Variants in ZBTB7C observed in about 807,000 individuals in gnomAD.
ZBTB7C encodes zinc finger and BTB domain containing 7C.
A neutral mutation model predicts 25.7 loss-of-function variants in ZBTB7C; 8 were observed. That is an observed-to-expected ratio of 0.31 (90% CI 0.18 to 0.56). The LOEUF (loss-of-function observed/expected upper bound fraction) is 0.56, where lower values mean the gene tolerates loss of function less well. Among genes scored for constraint, ZBTB7C ranks in the 20% least tolerant of loss-of-function variants. The pLI is 0.91. For synonymous variants in ZBTB7C, 394 were observed against 369.0 expected, an observed-to-expected ratio of 1.07 and a Z score of -0.78; for missense variants, 824 against 855.2, an observed-to-expected ratio of 0.96 and a Z score of 0.46.
chr18:48,029,516 A>T lies in ZBTB7C; in HGVS notation c.1604T>A (p.Leu535Gln), dbSNP rs1449300448. ...LPGPSPAKHFLAAPKGALSLQ... is the reference protein window; with the variant it reads ...LPGPSPAKHFQAAPKGALSLQ... ...GCTCAGGGCGCCCTTGGGCGCTGCC[A>T]GGAAGTGCTTGGCGGGGCTGGGGCC... The change falls in exon 5 of 5, where the codon CTG (leucine) becomes CAG (glutamine). Residue 535 changes from leucine to glutamine, a missense_variant. By Grantham distance (113) the Leu-to-Gln change is moderately radical. Around this residue, in one of 4 missense-constraint regions of ZBTB7C, gnomAD observed 342 missense variants for 307.0 expected, o/e 1.11. Coordinates refer to ENST00000590800, the MANE Select transcript of ZBTB7C (RefSeq NM_001318841.2). The T allele has an allele frequency of 2.5e-6, 4 of 1,584,122 alleles. No individual in the cohort carries two copies. Among genetic ancestry groups the T allele is most frequent in the Non-Finnish European group, 3.4e-6 (4 of 1,172,498 alleles).
intron 2 of ZBTB7C, among the ~76,000 whole-genome samples, chr18:48,200,193 G>A (rs8087724): frequency 0.69 from 104,505 of 151,936 alleles, 36,216 homozygotes; most frequent in African/African-American, 0.78. Context: ...TGAATTAACC[G>A]TGAAGAGTCA....
At chr18:48,039,778 G>A (rs755985290) in intron 4 of ZBTB7C, 122 bp downstream of exon 4, 16 of 1,029,590 alleles carry the variant, frequency 1.6e-5, no homozygotes, top group South Asian at 2.9e-5. Context: ...TGCTAGCCAC[G>A]AGCCTGCATG....
chr18:48,247,855 C>T (rs2043739680), intron 2 of ZBTB7C, among the ~76,000 whole-genome samples: 1 of 152,192 alleles, frequency 6.6e-6, no homozygotes, highest in African/African-American at 2.4e-5. Flanking sequence ...CCTGCCACCC[C>T]CCTGCGAAGA....
At chr18:48,335,042 C>T (rs2046429895) in intron 2 of ZBTB7C, among the ~76,000 whole-genome samples, 1 of 152,206 alleles carries the variant, frequency 6.6e-6, no homozygotes, top group Admixed American at 6.5e-5. Flanking sequence ...CTGCAGGGGG[C>T]TGCCTCCTCC....
intron 3 of ZBTB7C, among the ~76,000 whole-genome samples, chr18:48,066,998 A>G (rs2037354693): frequency 6.6e-6 from 1 of 152,212 alleles, no homozygotes; most frequent in African/African-American, 2.4e-5. Flanking sequence ...GCTATTCAGG[A>G]GACTGAGGCA....
In ZBTB7C at chr18:48,040,338, G is replaced by A; in HGVS notation, c.770C>T (p.Pro257Leu). The A allele has an allele frequency of 6.2e-7, 1 of 1,603,816 alleles. No homozygotes were observed. Among genetic ancestry groups the A allele is most frequent in the Non-Finnish European group, 8.5e-7 (1 of 1,175,072 alleles). The part of the protein sequence containing the change: ...SLSPFAPDFF[P>L]HLWPGDFGAF... ...ACCGAAGTCCCCTGGCCAGAGGTGT[G>A]GAAAGAAGTCCGGGGCGAATGGAGA... The change falls in exon 4 of 5, where the codon CCA becomes CTA. Residue 257 changes from proline (P) to leucine (L), a missense_variant. Around this residue, in one of 4 missense-constraint regions of ZBTB7C, gnomAD observed 316 missense variants for 299.2 expected, o/e 1.06. Coordinates refer to ENST00000590800, the MANE Select transcript of ZBTB7C (RefSeq NM_001318841.2).
In ZBTB7C at chr18:48,029,617, G is replaced by C; in HGVS notation, c.1503C>G (p.Asp501Glu). ...CAGGGGGCATCACGAAGGCCGCCTT[G>C]TCGGGGGCCGGGCCGCCGGGCCCGA... ...LLFGPGGPAP[D>E]KAAFVMPPAL... is the part of the protein sequence containing the mutation. The change falls in exon 5 of 5, where the codon GAC (aspartate) becomes GAG (glutamate). Residue 501 changes from aspartate to glutamate, a missense_variant. Around this residue, in one of 4 missense-constraint regions of ZBTB7C, gnomAD observed 342 missense variants for 307.0 expected, o/e 1.11. Transcript: ENST00000590800. 6.7e-7 allele frequency: 1 copy of C among 1,492,798 alleles called. No individual in the cohort carries two copies. 92.5% of individuals were successfully genotyped at this position (1,492,798 alleles called of 1,614,324 possible).
At chr18:48,286,450 T>C (rs2045057310) in intron 2 of ZBTB7C, among the ~76,000 whole-genome samples, 2 of 152,318 alleles carry the variant, frequency 1.3e-5, no homozygotes, top group African/African-American at 2.4e-5. Flanking sequence ...CTCATAAGGA[T>C]ATCAATGAAA....
At chr18:48,134,358 TC>T (rs2040081418) in intron 3 of ZBTB7C, among the ~76,000 whole-genome samples, 1 of 152,164 alleles carries the variant, frequency 6.6e-6, no homozygotes, top group Non-Finnish European at 1.5e-5. Flanking sequence ...GTCTCAAACA[TC>T]CATCCAACAC....
intron 3 of ZBTB7C, among the ~76,000 whole-genome samples, chr18:48,142,276 G>C (rs754471898): frequency 7.9e-5 from 12 of 152,246 alleles, no homozygotes; most frequent in Non-Finnish European, 1.3e-4. Flanking sequence ...GGAAGGCAAG[G>C]GCAAGGAGCT....
intron 3 of ZBTB7C, among the ~76,000 whole-genome samples, chr18:48,159,581 T>C (rs1263747339): frequency 6.6e-6 from 1 of 152,200 alleles, no homozygotes; most frequent in African/African-American, 2.4e-5. Flanking sequence ...AAAGATCAAC[T>C]TTACCAAAGC....
At position 48,270,896 on chromosome 18, in the gene ZBTB7C, A is replaced by C. The variant is rs528227915; in HGVS notation, c.-79+67278T>G. Among the ~76,000 whole-genome samples the C allele has an allele frequency of 2.7e-5, 4 of 149,350 alleles. No individual in the cohort carries two copies. The South Asian group carries it at 6.3e-4, about 24-fold the overall frequency. On this transcript the variant is annotated intron_variant, in intron 2 of 4. Transcript: ENST00000590800. ...AACAAAAGGAAAAGTAATATGGGAC[A>C]AAAAAAAATAGCAATAGGATTTAAA... is the stretch of plus-strand genomic sequence containing the variant.
chr18:48,113,738 G>A (rs1352059358), intron 3 of ZBTB7C, among the ~76,000 whole-genome samples: 2 of 152,228 alleles, frequency 1.3e-5, no homozygotes, highest in African/African-American at 4.8e-5. Context: ...TCCGGCTGAT[G>A]GCAGAGTCAG....
intron 2 of ZBTB7C, among the ~76,000 whole-genome samples, chr18:48,265,648 G>A (rs935268199): frequency 2.0e-5 from 3 of 152,160 alleles, no homozygotes; most frequent in African/African-American, 7.2e-5. Context: ...ACAATATGAA[G>A]GACATGGCAT....
intron 2 of ZBTB7C, among the ~76,000 whole-genome samples, chr18:48,264,058 T>C (rs2044244214): frequency 6.6e-6 from 1 of 152,184 alleles, no homozygotes; most frequent in African/African-American, 2.4e-5. Context: ...AATCCCACTG[T>C]TGGGACTTCA....
In ZBTB7C at chr18:48,155,948, T is replaced by C. The variant is rs11082657; in HGVS notation, c.-17+29986A>G. On this transcript the variant is annotated intron_variant, in intron 3 of 4. Transcript: ENST00000590800. Reference sequence around the variant, plus strand: ...GTTGCTGGGCCCCTCACAGACCCTATAGACCCATACTCTCACTTGACCCTT... The same window carrying C: ...GTTGCTGGGCCCCTCACAGACCCTACAGACCCATACTCTCACTTGACCCTT... Among the ~76,000 whole-genome samples, 240 of 151,806 alleles carry C rather than the reference T, an allele frequency of 1.6e-3. 1 individual carries two copies. Among genetic ancestry groups the C allele is most frequent in the African/African-American group, 5.4e-3 (224 of 41,502 alleles).
At chr18:48,243,589 A>G (rs543532846) in intron 2 of ZBTB7C, among the ~76,000 whole-genome samples, 46 of 152,292 alleles carry the variant, frequency 3.0e-4, no homozygotes, top group African/African-American at 1.1e-3. Flanking sequence ...TGTGAAAATG[A>G]CCATGACTGC....
chr18:48,374,516 T>C (rs944317901), intron 1 of ZBTB7C, among the ~76,000 whole-genome samples: 1 of 152,234 alleles, frequency 6.6e-6, no homozygotes, highest in Non-Finnish European at 1.5e-5. Context: ...CACCAAGTGA[T>C]GCAGCTTTGA....
At chr18:48,279,816 C>T (rs1460957090) in intron 2 of ZBTB7C, among the ~76,000 whole-genome samples, 1 of 152,190 alleles carries the variant, frequency 6.6e-6, no homozygotes, top group African/African-American at 2.4e-5. Context: ...CCTGCCTCTG[C>T]ACTGAGTTTG....
Sources: allele counts gnomAD v4.1 joint callset (sites outside exome capture counted in the v4.1 genomes callset), GRCh38; gene constraint gnomAD v4.1.1; regional missense constraint gnomAD v4.1.1; transcripts MANE v1.5; gene names NCBI Gene and HGNC (gene_info 2026-07-23, HGNC 2026-07-21).